FOXN1: variants seen among roughly 807,000 people sequenced by gnomAD.
The protein encoded by FOXN1 is forkhead box N1.
In FOXN1, 15 loss-of-function variants were observed where a neutral mutation model predicts 49.0. That is an observed-to-expected ratio of 0.31 (90% CI 0.20 to 0.47). The LOEUF (loss-of-function observed/expected upper bound fraction) is 0.47, where lower values mean the gene tolerates loss of function less well. Among genes scored for constraint, FOXN1 ranks in the 20% least tolerant of loss-of-function variants. FOXN1 has a pLI of 1.00. For missense variants in FOXN1, 800 were observed against 842.8 expected, an observed-to-expected ratio of 0.95 and a Z score of 0.63; for synonymous variants, 356 against 369.0, an observed-to-expected ratio of 0.96 and a Z score of 0.40.
intron 1 of FOXN1, among the ~76,000 whole-genome samples, chr17:28,513,523 A>G (rs1182752879): frequency 6.6e-6 from 1 of 152,170 alleles, no homozygotes; most frequent in Admixed American, 6.5e-5. Flanking sequence ...AAATACATCT[A>G]TCTATCCACC....
In FOXN1 at chr17:28,529,074, G is replaced by A. The variant is rs760967284; in HGVS notation, c.700-20G>A. 3.7e-6 allele frequency: 6 copies of A among 1,613,842 alleles called. No individual in the cohort carries two copies. In the South Asian group the frequency reaches 6.6e-5, roughly 18 times the overall value. ...AGGCTGGGTACCATGCAATCACTCTGCCCCTTTTGACCTCCTCAGTACTCG... is the reference window on the plus strand; with the variant it reads ...AGGCTGGGTACCATGCAATCACTCTACCCCTTTTGACCTCCTCAGTACTCG... On this transcript the variant is annotated intron_variant, in intron 4 of 8. Transcript: ENST00000579795.
Position 28,529,156 on chromosome 17 carries a change from G to A in FOXN1, c.762G>A (p.Gln254=), listed in dbSNP as rs1226094456. 5.6e-6 allele frequency: 9 copies of A among 1,614,166 alleles called. No homozygotes were observed. Among genetic ancestry groups the A allele is most frequent in the Non-Finnish European group, 7.6e-6 (9 of 1,180,016 alleles). The stretch of plus-strand genomic sequence containing the variant: ...TGGGCTCCTCACACTATCAGTACCA[G>A]CGAATGGCACCCCAGGCCAGCACCG... ...PYLGSSHYQY[Q]RMAPQASTDG... The change falls in exon 5 of 9, where the codon CAG becomes CAA. Residue 254 remains glutamine (Q), a synonymous_variant. Transcript: ENST00000579795.
At chr17:28,520,617 G>A (rs917875318) in intron 1 of FOXN1, among the ~76,000 whole-genome samples, 1 of 152,220 alleles carries the variant, frequency 6.6e-6, no homozygotes, top group African/African-American at 2.4e-5. Flanking sequence ...GTTTGGCCAA[G>A]CAAGGCTATG....
chr17:28,518,877 A>G (rs1210020670), intron 1 of FOXN1, among the ~76,000 whole-genome samples: 1 of 152,082 alleles, frequency 6.6e-6, no homozygotes, highest in Admixed American at 6.5e-5. Context: ...TTTCTCCCCT[A>G]AAAAAATGGG....
In FOXN1 at chr17:28,534,998, A is replaced by C. The variant is rs748031157; in HGVS notation, c.1427A>C (p.Asp476Ala). Residue 476 changes from aspartate (D) to alanine (A), a missense_variant, in exon 8 of 9, where the codon GAC becomes GCC. Asp to Ala is a moderately radical substitution (Grantham distance 126). Around this residue, in one of 3 missense-constraint regions of FOXN1, gnomAD observed 344 missense variants for 366.1 expected, o/e 0.94. Coordinates refer to ENST00000579795, the MANE Select transcript of FOXN1 (RefSeq NM_001369369.1). This position sits in a 1 kb window ranked among gnomAD's most constrained non-coding sequence, Gnocchi z 4.1. ...GPPQPLFPQP[D>A]GHLELRAQPG... ...CCGCAGCCATTGTTCCCACAGCCGG[A>C]CGGGCACCTTGAGCTGCGGGCCCAG... is the stretch of plus-strand genomic sequence containing the variant. The C allele has an allele frequency of 1.2e-6, 2 of 1,613,752 alleles. No homozygotes were observed. The highest frequency in any genetic ancestry group is 2.7e-5 in the African/African-American group (2 of 74,894).
At chr17:28,521,425 G>T (rs924916222) in intron 1 of FOXN1, among the ~76,000 whole-genome samples, 3 of 152,230 alleles carry the variant, frequency 2.0e-5, no homozygotes, top group Non-Finnish European at 4.4e-5. Flanking sequence ...GCTCTGGGCC[G>T]GGGTGAGGTG....
At chr17:28,508,729 ACT>A (rs1243157933) in intron 1 of FOXN1, among the ~76,000 whole-genome samples, 10 of 151,794 alleles carry the variant, frequency 6.6e-5, no homozygotes, top group Admixed American at 5.9e-4. Context: ...ATTCTCTCTG[ACT>A]CCACATTCTG....
chr17:28,522,655 C>A (rs12938658), intron 1 of FOXN1, among the ~76,000 whole-genome samples: 1 of 151,252 alleles, frequency 6.6e-6, no homozygotes, highest in Non-Finnish European at 1.5e-5. Context: ...TCCAAAAAAA[C>A]AAATAAATAA....
intron 1 of FOXN1, among the ~76,000 whole-genome samples, chr17:28,513,634 G>A (rs551224107): frequency 2.0e-5 from 3 of 152,256 alleles, no homozygotes; most frequent in Non-Finnish European, 4.4e-5. Context: ...TGCCTGCCTG[G>A]CCTGGGGAGA....
intron 1 of FOXN1, among the ~76,000 whole-genome samples, chr17:28,520,338 C>A (rs2069614496): frequency 2.0e-5 from 3 of 152,196 alleles, no homozygotes; most frequent in Admixed American, 2.0e-4. Context: ...CCTGAGGACC[C>A]CCTCTCTCCT....
intron 1 of FOXN1, among the ~76,000 whole-genome samples, chr17:28,519,253 C>A (rs929104464): frequency 6.6e-6 from 1 of 151,996 alleles, no homozygotes; most frequent in Non-Finnish European, 1.5e-5. Flanking sequence ...ATCAGTTGAG[C>A]CCAGGAGGTC....
At chr17:28,527,389 C>T (rs576257217) in intron 4 of FOXN1, 28 bp downstream of exon 4, 8 of 1,294,018 alleles carry the variant, frequency 6.2e-6, no homozygotes, top group South Asian at 6.0e-5. Flanking sequence ...GGGCCTGCTT[C>T]CCCCAGGTCT....
In FOXN1 at chr17:28,537,249, T is replaced by C. The variant is rs2151502169; in HGVS notation, c.1760T>C (p.Leu587Pro). The C allele has an allele frequency of 6.2e-7, 1 of 1,614,012 alleles. No individual in the cohort carries two copies. Among genetic ancestry groups the C allele is most frequent in the East Asian group, 2.2e-5 (1 of 44,870 alleles). ...CACTGCTTCCCCCCTGGGCCCTGTC[T>C]GACAGAGACAGGCAGTGGGGCAGGT... ...PPHCFPPGPC[L>P]TETGSGAGDL... The change falls in exon 9 of 9, where the codon CTG (leucine) becomes CCG (proline). Residue 587 changes from leucine to proline, a missense_variant. By Grantham distance (98) the Leu-to-Pro change is moderately conservative. Transcript: ENST00000579795.
chr17:28,530,620 T>C (rs1311558729), intron 5 of FOXN1, 129 bp from the exon 6 acceptor site: 2 of 708,556 alleles, frequency 2.8e-6, no homozygotes, highest in Non-Finnish European at 5.2e-6. Flanking sequence ...CTCACTTCAA[T>C]GGACACCTTC....
chr17:28,525,899 A>G (rs569345900), intron 3 of FOXN1, among the ~76,000 whole-genome samples: 2 of 152,302 alleles, frequency 1.3e-5, no homozygotes, highest in East Asian at 3.9e-4. Context: ...GCCTACAGAT[A>G]GGGCACCATC....
chr17:28,508,662 C>A (rs2069319952), intron 1 of FOXN1, among the ~76,000 whole-genome samples: 2 of 152,150 alleles, frequency 1.3e-5, no homozygotes, highest in Admixed American at 1.3e-4. Context: ...CAATGAAATG[C>A]CCTGGTTGCT....
intron 1 of FOXN1, among the ~76,000 whole-genome samples, chr17:28,511,057 C>T (rs2069386292): frequency 6.6e-6 from 1 of 152,132 alleles, no homozygotes; most frequent in South Asian, 2.1e-4. Context: ...GCACAGATGC[C>T]TGCATAGCAG....
intron 1 of FOXN1, among the ~76,000 whole-genome samples, chr17:28,519,378 G>C (rs941894480): frequency 4.6e-5 from 7 of 152,034 alleles, no homozygotes; most frequent in Admixed American, 2.6e-4. Flanking sequence ...TGCAGATGTG[G>C]AACTGCGGCA....
chr17:28,530,694 T>G, intron 5 of FOXN1, 55 bp from the exon 6 acceptor site: 1 of 965,520 alleles, frequency 1.0e-6, no homozygotes, highest in Non-Finnish European at 1.7e-6. Flanking sequence ...GGGCTTGGGG[T>G]GGGCTCAGGA....
Sources: gnomAD v4.1 joint callset for allele counts (sites outside exome capture counted in the v4.1 genomes callset) on GRCh38, gnomAD v4.1.1 for gene constraint, gnomAD v4.1.1 regional missense constraint, Gnocchi (gnomAD v3.1) non-coding constraint, MANE v1.5 for transcripts, NCBI Gene and HGNC (gene_info 2026-07-23, HGNC 2026-07-21) for gene names.